The following SEC14L1 variants were observed in gnomAD, a reference collection of about 807,000 sequenced individuals.
The protein encoded by SEC14L1 is SEC14-like protein 1.
Under a neutral mutation model 85.3 loss-of-function variants are expected in SEC14L1, and 48 were observed. That is an observed-to-expected ratio of 0.56 (90% CI 0.45 to 0.72). SEC14L1 has a LOEUF of 0.72. Among genes scored for constraint, SEC14L1 ranks in the 30% least tolerant of loss-of-function variants. SEC14L1 has a pLI of 0.00. For synonymous variants in SEC14L1, 391 were observed against 355.5 expected (o/e 1.10, Z -1.12); for missense variants, 682 against 921.4 (o/e 0.74, Z 3.36).
intron 3 of SEC14L1, among the ~76,000 whole-genome samples, chr17:77,176,426 C>T (rs1974762560): frequency 6.6e-6 from 1 of 152,206 alleles, no homozygotes; most frequent in South Asian, 2.1e-4. Flanking sequence ...AGGACTCTCT[C>T]CAGATTGAAG....
intron 3 of SEC14L1, among the ~76,000 whole-genome samples, chr17:77,177,102 CTT>C (rs1345366940): frequency 6.6e-6 from 1 of 151,750 alleles, no homozygotes; most frequent in Non-Finnish European, 1.5e-5. Flanking sequence ...GACATAGTAA[CTT>C]AATAAATCAT....
At position 77,120,448 on chromosome 17, in the gene SEC14L1, C is replaced by T. The variant is rs564492689; in HGVS notation, c.-135-22198C>T. On this transcript the variant is annotated intron_variant, in intron 3 of 19. Coordinates refer to the SEC14L1 transcript ENST00000392476. The stretch of plus-strand genomic sequence containing the variant: ...TAGGGAATGCATCCACAACCTGAGG[C>T]TGCCCCGGAGTTTCTGATCCTTCTC... Among the ~76,000 whole-genome samples, 7 of 151,928 alleles carry T rather than the reference C, an allele frequency of 4.6e-5. No individual in the cohort carries two copies. The South Asian group carries it at 1.5e-3, about 32-fold the overall frequency.
At chr17:77,211,698 A>G (rs1435273510) in intron 14 of SEC14L1, 3 of 532,586 alleles carry the variant, frequency 5.6e-6, no homozygotes, top group Non-Finnish European at 6.8e-6. Flanking sequence ...AAGATGGTGT[A>G]TGGGAGATCT....
At chr17:77,129,075 A>AG (rs1327892589) in intron 3 of SEC14L1, among the ~76,000 whole-genome samples, 4 of 152,176 alleles carry the variant, frequency 2.6e-5, no homozygotes, top group African/African-American at 9.7e-5. Flanking sequence ...AATATAGACG[A>AG]TGTTGCTGGC....
In SEC14L1 at chr17:77,203,643, A is replaced by C; in HGVS notation, c.1083A>C (p.Glu361Asp). The C allele has an allele frequency of 6.2e-7, 1 of 1,613,342 alleles. No individual in the cohort carries two copies. The highest frequency in any genetic ancestry group is 1.3e-5 in the African/African-American group (1 of 75,012). Residue 361 changes from glutamate to aspartate, a missense_variant, in exon 10 of 17, where the codon GAA (glutamate) becomes GAC (aspartate). By Grantham distance (45) the Glu-to-Asp change is conservative (BLOSUM62 2). Around this residue, in one of 3 missense-constraint regions of SEC14L1, gnomAD observed 420 missense variants for 619.5 expected, o/e 0.68. Transcript: ENST00000436233. ...GCTTGGTGAGAGCGCTCGGGGAGGAAGCCCTGCTGAGATACGTAAGTGCGC... is the reference window on the plus strand; with the variant it reads ...GCTTGGTGAGAGCGCTCGGGGAGGACGCCCTGCTGAGATACGTAAGTGCGC... The part of the protein sequence containing the change: ...TKGLVRALGE[E>D]ALLRYVLSIN...
chr17:77,154,859 G>A (rs186914245), intron 3 of SEC14L1, among the ~76,000 whole-genome samples: 7 of 152,210 alleles, frequency 4.6e-5, no homozygotes, highest in Non-Finnish European at 7.4e-5. Flanking sequence ...AGATGGCTGC[G>A]TCCTTACTTC....
upstream of SEC14L1, among the ~76,000 whole-genome samples, chr17:77,137,533 C>T (rs1163758624): frequency 6.6e-6 from 1 of 152,192 alleles, no homozygotes; most frequent in African/African-American, 2.4e-5. Flanking sequence ...CCCACCAGGC[C>T]AGACCTCCAA....
chr17:77,126,853 CTG>C (rs1449496277), intron 3 of SEC14L1, among the ~76,000 whole-genome samples: 3 of 152,320 alleles, frequency 2.0e-5, no homozygotes, highest in African/African-American at 7.2e-5. Context: ...GAGGCTGACT[CTG>C]TGGGGTGCAG....
chr17:77,163,657 A>G lies in SEC14L1; in HGVS notation c.63+19998A>G, dbSNP rs577188043. ...TGTCACCATGTTCTTCGTGTCATGC[A>G]TTCACATGGATATTCAGTCTTCATA... On this transcript the variant is annotated intron_variant, in intron 3 of 16. Coordinates refer to ENST00000436233, the MANE Select transcript of SEC14L1 (RefSeq NM_001143998.2). 2.1e-4 allele frequency among the ~76,000 whole-genome samples: 32 copies of G among 152,298 alleles called. No individual in the cohort carries two copies. The East Asian group carries it at 6.0e-3, about 28-fold the overall frequency.
rs369235321 is a variant in SEC14L1 at position 77,213,885 on chromosome 17, C to G, written c.2043-33C>G. The G allele has an allele frequency of 6.2e-7, 1 of 1,608,668 alleles. No homozygotes were observed. Among genetic ancestry groups the G allele is most frequent in the Non-Finnish European group, 8.5e-7 (1 of 1,177,212 alleles). On this transcript the variant is annotated intron_variant, in intron 16 of 16. Transcript: ENST00000436233. This position sits in a 1 kb window ranked among gnomAD's most constrained non-coding sequence, Gnocchi z 7.1. Reference sequence around the variant, plus strand: ...GCCGGCGGGTGGTTGGCAGGGTGGTCCTCACGCCTCGCCCCTCCCTGTGCC... The same window carrying G: ...GCCGGCGGGTGGTTGGCAGGGTGGTGCTCACGCCTCGCCCCTCCCTGTGCC...
chr17:77,159,030 G>T (rs190563598), intron 3 of SEC14L1, among the ~76,000 whole-genome samples: 1 of 149,140 alleles, frequency 6.7e-6, no homozygotes, highest in Non-Finnish European at 1.5e-5. Flanking sequence ...GGTCTAGGAC[G>T]CCTGGCTTCG....
At chr17:77,201,642 G>C (rs188044837) in intron 9 of SEC14L1, among the ~76,000 whole-genome samples, 2 of 152,024 alleles carry the variant, frequency 1.3e-5, no homozygotes, top group African/African-American at 4.8e-5. Flanking sequence ...GTAGAGATGG[G>C]GTTTCACCAT....
chr17:77,186,867 A>G (rs1040690034), intron 3 of SEC14L1, among the ~76,000 whole-genome samples: 1 of 152,206 alleles, frequency 6.6e-6, no homozygotes, highest in Non-Finnish European at 1.5e-5. Context: ...GTAAAATCAA[A>G]GCCATTTGTG....
At chr17:77,163,391 T>TTTTTCTCAGCACCATCCCTCCCTCA (rs6146155) in intron 3 of SEC14L1, among the ~76,000 whole-genome samples, 150,443 of 152,142 alleles carry the variant, frequency 0.99, 74,404 homozygotes, top group South Asian at 1. Context: ...CTAAGACTGG[T>TTTTTCTCAGCACCATCCCTCCCTCA]TCAGTCAGAG....
intron 5 of SEC14L1, among the ~76,000 whole-genome samples, chr17:77,191,774 C>T (rs9904945): frequency 0.26 from 39,508 of 150,930 alleles, 5,327 homozygotes; most frequent in African/African-American, 0.32. Context: ...AACTCCTGAC[C>T]TCACGTGATC....
At chr17:77,161,318 C>T (rs143886512) in intron 3 of SEC14L1, among the ~76,000 whole-genome samples, 1 of 152,178 alleles carries the variant, frequency 6.6e-6, no homozygotes, top group Admixed American at 6.5e-5. Flanking sequence ...GAAACCCTGT[C>T]TGTACTAAAA....
At chr17:77,178,234 C>T (rs1282722513) in intron 3 of SEC14L1, among the ~76,000 whole-genome samples, 7 of 152,140 alleles carry the variant, frequency 4.6e-5, no homozygotes, top group African/African-American at 1.7e-4. Context: ...ATAGCACTCC[C>T]ATCCCACCTG....
At chr17:77,202,048 G>A (rs1976176711) in intron 9 of SEC14L1, among the ~76,000 whole-genome samples, 1 of 152,128 alleles carries the variant, frequency 6.6e-6, no homozygotes, top group Admixed American at 6.5e-5. Context: ...TGTGCGGCAG[G>A]AGGCTAGGCA....
chr17:77,197,653 T>TC (rs1456757219), intron 8 of SEC14L1, among the ~76,000 whole-genome samples: 1 of 152,098 alleles, frequency 6.6e-6, no homozygotes, highest in African/African-American at 2.4e-5. Flanking sequence ...AGAGTCTTGC[T>TC]CCGTCACCCA....
Sources: allele counts gnomAD v4.1 joint callset (sites outside exome capture counted in the v4.1 genomes callset), GRCh38; gene constraint gnomAD v4.1.1; regional missense constraint gnomAD v4.1.1; non-coding constraint Gnocchi (gnomAD v3.1); transcripts MANE v1.5; gene names NCBI Gene and HGNC (gene_info 2026-07-23, HGNC 2026-07-21).